MRAP2: variants seen among roughly 807,000 people sequenced by gnomAD.
MRAP2 encodes melanocortin 2 receptor accessory protein 2.
A neutral mutation model predicts 17.4 loss-of-function variants in MRAP2; 20 were observed. The ratio of observed to expected loss-of-function variants is 1.15; its 90% CI spans 0.81 to 1.67. The LOEUF (loss-of-function observed/expected upper bound fraction) is 1.67. Ranked by LOEUF, MRAP2 falls within the 40% of genes most tolerant of loss-of-function variation. The pLI is 0.00. For synonymous variants in MRAP2, 96 were observed against 88.4 expected, an observed-to-expected ratio of 1.09 and a Z score of -0.48; for missense variants, 238 against 240.0, an observed-to-expected ratio of 0.99 and a Z score of 0.05.
chr6:84,058,452 G>T (rs2099492239), intron 2 of MRAP2, among the ~76,000 whole-genome samples: 1 of 152,212 alleles, frequency 6.6e-6, no homozygotes, highest in Non-Finnish European at 1.5e-5. Context: ...CTGAGAGGGG[G>T]AAGAGTATGG....
At chr6:84,033,585 G>A (rs1216196070), upstream of MRAP2, 5 of 745,976 alleles carry the variant, frequency 6.7e-6, no homozygotes, top group African/African-American at 7.6e-5. Flanking sequence ...CGGACTCGGA[G>A]GGGCAAAGTG....
chr6:84,134,919 TACACACACACACACACAC>T, the MRAP2 span, among the ~76,000 whole-genome samples: 891 of 148,370 alleles, frequency 6.0e-3, 11 homozygotes, highest in African/African-American at 0.016. Context: ...AGATCATATA[TACACACACACACACACAC>T]ACACACACAC....
At chr6:84,057,840 C>T (rs2099492087) in intron 2 of MRAP2, among the ~76,000 whole-genome samples, 1 of 151,988 alleles carries the variant, frequency 6.6e-6, no homozygotes, top group Non-Finnish European at 1.5e-5. Flanking sequence ...GTGGAGGCGA[C>T]AGTATAGAAT....
At chr6:84,128,379 A>C in the MRAP2 span, among the ~76,000 whole-genome samples, 2 of 152,194 alleles carry the variant, frequency 1.3e-5, no homozygotes, top group African/African-American at 4.8e-5. Context: ...CATGTATTTA[A>C]AAAATACTTC....
intron 1 of MRAP2, among the ~76,000 whole-genome samples, chr6:84,035,928 A>G (rs1464295264): frequency 6.6e-6 from 1 of 152,228 alleles, no homozygotes; most frequent in Non-Finnish European, 1.5e-5. Flanking sequence ...AATTAGTTCA[A>G]ATTGTATAAA....
chr6:84,039,072 A>G (rs1409348417), intron 1 of MRAP2, among the ~76,000 whole-genome samples: 4 of 152,220 alleles, frequency 2.6e-5, no homozygotes, highest in Non-Finnish European at 4.4e-5. Context: ...AGAAAAGGAA[A>G]GAAAATGTTT....
chr6:84,122,526 A>G, the MRAP2 span, among the ~76,000 whole-genome samples: 1 of 152,168 alleles, frequency 6.6e-6, no homozygotes, highest in Non-Finnish European at 1.5e-5. Flanking sequence ...GATAAAATCT[A>G]ATATCCCTTC....
the MRAP2 span, among the ~76,000 whole-genome samples, chr6:84,142,483 T>G: frequency 6.6e-6 from 1 of 152,182 alleles, no homozygotes; most frequent in African/African-American, 2.4e-5. Flanking sequence ...AAAAGAGCAC[T>G]ATTTAATTGG....
the MRAP2 span, among the ~76,000 whole-genome samples, chr6:84,116,553 C>G: frequency 6.6e-6 from 1 of 152,148 alleles, no homozygotes; most frequent in African/African-American, 2.4e-5. Flanking sequence ...CAGACTAATA[C>G]ACTTGTCTTA....
the MRAP2 span, among the ~76,000 whole-genome samples, chr6:84,141,265 A>C: frequency 6.6e-6 from 1 of 151,394 alleles, no homozygotes; most frequent in African/African-American, 2.4e-5. Context: ...TTTTTTTTTC[A>C]ATTTTAAAGG....
intron 1 of MRAP2, among the ~76,000 whole-genome samples, chr6:84,055,105 T>C (rs537661750): frequency 1.3e-5 from 2 of 152,304 alleles, no homozygotes; most frequent in South Asian, 4.1e-4. Context: ...AAATACATTA[T>C]TCCACTCTAG....
At position 84,062,951 on chromosome 6, in the gene MRAP2, T is replaced by G. The variant is rs747489680; in HGVS notation, c.186T>G (p.Phe62Leu). 38 of 1,614,212 alleles carry G rather than the reference T, an allele frequency of 2.4e-5. No individual in the cohort carries two copies. The highest frequency in any genetic ancestry group is 3.2e-5 in the Non-Finnish European group (38 of 1,180,028). ...CAGTCTTCGTGATTTTTATGTTTTT[T>G]GTGCTGACCTTGCTGACCAAGACAG... ...GLAVFVIFMF[F>L]VLTLLTKTGA... Residue 62 changes from phenylalanine to leucine, a missense_variant, in exon 3 of 4, where the codon TTT becomes TTG. Transcript: ENST00000257776.
the MRAP2 span, among the ~76,000 whole-genome samples, chr6:84,115,287 C>T: frequency 6.6e-6 from 1 of 152,342 alleles, no homozygotes; most frequent in Admixed American, 6.5e-5. Flanking sequence ...CAGGAGGAAT[C>T]TAGAGAGGCA....
the MRAP2 span, among the ~76,000 whole-genome samples, chr6:84,132,240 G>C: frequency 6.6e-6 from 1 of 152,142 alleles, no homozygotes; most frequent in Non-Finnish European, 1.5e-5. Flanking sequence ...TCCCTTTGTG[G>C]GTAAGCTGAC....
chr6:84,131,922 G>A, the MRAP2 span, among the ~76,000 whole-genome samples: 2 of 152,188 alleles, frequency 1.3e-5, no homozygotes, highest in Non-Finnish European at 2.9e-5. Context: ...AGTTGGTGCA[G>A]TTTCTTCCTA....
chr6:84,048,138 G>T (rs576612067), intron 1 of MRAP2, among the ~76,000 whole-genome samples: 21 of 152,238 alleles, frequency 1.4e-4, no homozygotes, highest in African/African-American at 4.8e-4. Context: ...TATATCCAGA[G>T]TTAGAATTGC....
chr6:84,076,936 A>G (rs1009989219), intron 3 of MRAP2, among the ~76,000 whole-genome samples: 1 of 152,232 alleles, frequency 6.6e-6, no homozygotes, highest in Non-Finnish European at 1.5e-5. Flanking sequence ...CTTCAGGGTC[A>G]CAGAGGTAGG....
chr6:84,139,096 G>C, the MRAP2 span, among the ~76,000 whole-genome samples: 1 of 152,160 alleles, frequency 6.6e-6, no homozygotes, highest in East Asian at 1.9e-4. Context: ...GAATGAAATG[G>C]ATCTTAGAAT....
the MRAP2 span, among the ~76,000 whole-genome samples, chr6:84,133,806 C>T: frequency 1.1e-4 from 17 of 152,156 alleles, no homozygotes; most frequent in African/African-American, 2.4e-4. Flanking sequence ...AGACCCCTTG[C>T]GCTTCCTGGG....
Sources: gnomAD v4.1 joint callset for allele counts (sites outside exome capture counted in the v4.1 genomes callset) on GRCh38, gnomAD v4.1.1 for gene constraint, MANE v1.5 for transcripts, NCBI Gene and HGNC (gene_info 2026-07-23, HGNC 2026-07-21) for gene names.